UBE3C: variants seen among roughly 807,000 people sequenced by gnomAD.
UBE3C encodes the protein ubiquitin-protein ligase E3C.
Under a neutral mutation model 129.4 loss-of-function variants are expected in UBE3C, and 42 were observed. That is an observed-to-expected ratio of 0.32 (90% confidence interval 0.25 to 0.42). The LOEUF is 0.42. UBE3C is among the 10% of genes least tolerant of loss of function. The pLI, the probability that UBE3C is intolerant of heterozygous loss-of-function variation, is 1.00. For synonymous variants in UBE3C, 510 were observed against 492.4 expected (o/e 1.04, Z -0.47); for missense variants, 1,049 against 1,319.1 (o/e 0.80, Z 3.17).
intron 4 of UBE3C, among the ~76,000 whole-genome samples, chr7:157,171,657 ATTT>A (rs1326279576): frequency 3.9e-3 from 348 of 89,692 alleles, no homozygotes; most frequent in African/African-American, 0.011. Context: ...ATTTTTAAAT[ATTT>A]TATATATATA....
chr7:157,173,323 C>T (rs187713252), intron 4 of UBE3C, among the ~76,000 whole-genome samples: 1 of 152,294 alleles, frequency 6.6e-6, no homozygotes, highest in Admixed American at 6.5e-5. Context: ...CTGCAGTGAG[C>T]TATGATCCTG....
At position 157,199,563 on chromosome 7, in the gene UBE3C, C is replaced by T. The variant is rs149724369; in HGVS notation, c.1332-2158C>T. On this transcript the variant is annotated intron_variant, in intron 10 of 22. Transcript: ENST00000348165. ...TCGGCTCACTGCAACCTCAGCCTCTCAGGTTCAGGCAATTCTCCTGCCTCA... is the reference window on the plus strand; with the variant it reads ...TCGGCTCACTGCAACCTCAGCCTCTTAGGTTCAGGCAATTCTCCTGCCTCA... Among the ~76,000 whole-genome samples the T allele has an allele frequency of 3.5e-3, 522 of 150,154 alleles. 15 individuals are homozygous for T. The South Asian group carries it at 0.047, about 14-fold the overall frequency.
chr7:157,169,659 A>T (rs554548649), intron 3 of UBE3C, among the ~76,000 whole-genome samples: 1 of 151,884 alleles, frequency 6.6e-6, no homozygotes, highest in East Asian at 2.0e-4. Flanking sequence ...TACAAGCATA[A>T]GCCACTGCGC....
At chr7:157,158,643 T>C (rs947809909) in intron 1 of UBE3C, among the ~76,000 whole-genome samples, 3 of 152,226 alleles carry the variant, frequency 2.0e-5, no homozygotes, top group Non-Finnish European at 4.4e-5. Context: ...GCAGCTGTTA[T>C]TTTCCTGGGG....
At chr7:157,219,382 GC>G (rs1586697928) in intron 14 of UBE3C, among the ~76,000 whole-genome samples, 1 of 152,176 alleles carries the variant, frequency 6.6e-6, no homozygotes, top group East Asian at 1.9e-4. Context: ...TTTCACTTCT[GC>G]AGTGAAAAGC....
intron 10 of UBE3C, chr7:157,192,677 T>C (rs1268163399): frequency 9.1e-6 from 7 of 772,704 alleles, no homozygotes; most frequent in Non-Finnish European, 1.7e-5. Flanking sequence ...TCCTGAAGTA[T>C]TAGAAGGTGG....
chr7:157,161,399 T>C (rs2116852548), intron 1 of UBE3C, among the ~76,000 whole-genome samples: 1 of 152,304 alleles, frequency 6.6e-6, no homozygotes, highest in South Asian at 2.1e-4. Flanking sequence ...GAAGGTTTTT[T>C]ATGTGAAATT....
intron 11 of UBE3C, among the ~76,000 whole-genome samples, chr7:157,202,675 G>C (rs530985844): frequency 6.6e-6 from 1 of 152,156 alleles, no homozygotes; most frequent in African/African-American, 2.4e-5. Flanking sequence ...AAAAAAAGAA[G>C]TCTATGCCAA....
chr7:157,207,778 A>G lies in UBE3C; in HGVS notation c.1652A>G (p.Asp551Gly), dbSNP rs764929826. 6.2e-7 allele frequency: 1 copy of G among 1,614,136 alleles called. No individual in the cohort carries two copies. The change falls in exon 13 of 23, where the codon GAT becomes GGT. Residue 551 changes from aspartate to glycine, a missense_variant. By Grantham distance (94) the Asp-to-Gly change is moderately conservative. Coordinates refer to ENST00000348165, the MANE Select transcript of UBE3C (RefSeq NM_014671.3). ...ELIMLSRCLR[D>G]ACLGIIKLAY... ...ATAATGTTGTCTCGATGCCTTCGAG[A>G]TGCATGCCTGGGGATCATCAAGTTG...
chr7:157,183,548 C>CCT (rs1416207142), intron 8 of UBE3C, among the ~76,000 whole-genome samples: 1 of 152,122 alleles, frequency 6.6e-6, no homozygotes, highest in East Asian at 1.9e-4. Context: ...AAGTTCCAAC[C>CCT]CTCTGATCAC....
Position 157,256,980 on chromosome 7 carries a change from A to G in UBE3C, c.3017A>G (p.Glu1006Gly). The change falls in exon 22 of 23, where the codon GAA becomes GGA. Residue 1006 changes from glutamate to glycine, a missense_variant. Glu to Gly is a moderately conservative substitution (Grantham distance 98, BLOSUM62 -2). Transcript: ENST00000348165. ...FWRVVEGFTD[E>G]EKRKLLKFVT... ...AGAGTTGTGGAAGGGTTCACTGATG[A>G]AGAAAAGCGCAAACTGCTGAAGTTT... 1 of 1,614,178 alleles carries G rather than the reference A, an allele frequency of 6.2e-7. No homozygotes were observed.
intron 10 of UBE3C, among the ~76,000 whole-genome samples, chr7:157,189,630 G>C (rs1261037211): frequency 6.6e-6 from 1 of 152,168 alleles, no homozygotes; most frequent in Non-Finnish European, 1.5e-5. Flanking sequence ...CCTGGCCTTT[G>C]TGTGTATTTC....
At chr7:157,255,028 A>G (rs1254417683) in intron 21 of UBE3C, among the ~76,000 whole-genome samples, 1 of 151,968 alleles carries the variant, frequency 6.6e-6, no homozygotes, top group African/African-American at 2.4e-5. Context: ...CAGGAGAATC[A>G]CTGGAGGTGG....
chr7:157,196,646 G>T (rs1809127540), intron 10 of UBE3C, among the ~76,000 whole-genome samples: 1 of 152,186 alleles, frequency 6.6e-6, no homozygotes, highest in Non-Finnish European at 1.5e-5. Flanking sequence ...TTAAAATGCT[G>T]TTGCTGTTTA....
In UBE3C at chr7:157,139,397, GC is replaced by G. The variant is rs1235506901; in HGVS notation, c.66+60del. ...GGGGCCTGCGCGGCCGGGGCTCGGG[GC>G]TGGGACTCGGGGCTGGACTCGGGGC... is the stretch of plus-strand genomic sequence containing the variant. On this transcript the variant is annotated intron_variant, in intron 1 of 22. Transcript: ENST00000348165. 62 of 1,485,182 alleles carry G rather than the reference GC, an allele frequency of 4.2e-5. No individual in the cohort carries two copies. In the East Asian group the frequency reaches 1.1e-3, roughly 27 times the overall value. 92.0% of individuals were successfully genotyped at this position (1,485,182 alleles called of 1,614,324 possible).
chr7:157,192,920 T>C, intron 10 of UBE3C: 1 of 661,608 alleles, frequency 1.5e-6, no homozygotes, highest in Non-Finnish European at 2.7e-6. Flanking sequence ...TGAATGCCAC[T>C]TTCCCCCATT....
intron 1 of UBE3C, among the ~76,000 whole-genome samples, chr7:157,143,398 A>G (rs566691004): frequency 6.6e-6 from 1 of 152,204 alleles, no homozygotes. Context: ...GTCTGACAGA[A>G]TAGAAAGGTC....
chr7:157,209,744 T>G (rs899164464), intron 13 of UBE3C, among the ~76,000 whole-genome samples: 1 of 152,252 alleles, frequency 6.6e-6, no homozygotes, highest in South Asian at 2.1e-4. Context: ...TGTAGAAATC[T>G]CTGAACTTAA....
At chr7:157,208,070 T>A in intron 13 of UBE3C, 135 bp downstream of exon 13, 1 of 362,484 alleles carries the variant, frequency 2.8e-6, no homozygotes, top group Non-Finnish European at 4.0e-6. Context: ...TTTTTTTTTT[T>A]TTTTTTTTTT....
Sources: gnomAD v4.1 joint callset for allele counts (sites outside exome capture counted in the v4.1 genomes callset) on GRCh38, gnomAD v4.1.1 for gene constraint, MANE v1.5 for transcripts, NCBI Gene and HGNC (gene_info 2026-07-23, HGNC 2026-07-21) for gene names.